Variants in AGMO observed in about 807,000 individuals in gnomAD.
AGMO encodes the protein glyceryl-ether monooxygenase.
A neutral mutation model predicts 60.2 loss-of-function variants in AGMO; 75 were observed. The ratio of observed to expected loss-of-function variants is 1.25; its 90% CI spans 1.03 to 1.51. The LOEUF (loss-of-function observed/expected upper bound fraction) is 1.51. Ranked by LOEUF, AGMO falls within the 40% of genes most tolerant of loss-of-function variation. The probability of loss-of-function intolerance (pLI) is 0.00; values close to 1 mark genes in which losing one functional copy is unlikely to be tolerated. For synonymous variants in AGMO, 261 were observed against 177.1 expected (o/e 1.47, Z -3.76); for missense variants, 763 against 525.5 (o/e 1.45, Z -4.42).
chr7:15,478,405 T>A (rs1047903111), intron 3 of AGMO, among the ~76,000 whole-genome samples: 2 of 152,146 alleles, frequency 1.3e-5, no homozygotes, highest in Admixed American at 1.3e-4. Flanking sequence ...TGAAAATACA[T>A]TGAAGTACAG....
intron 3 of AGMO, among the ~76,000 whole-genome samples, chr7:15,531,516 TATATATTCTATATATATTC>T (rs1784354417): frequency 1.5e-5 from 1 of 65,540 alleles, no homozygotes; most frequent in Non-Finnish European, 2.8e-5. Context: ...ATATTCTCTA[TATATATTCTATATATATTC>T]TCTATATATA....
chr7:15,204,865 CTTTTG>C (rs991455241), intron 12 of AGMO, among the ~76,000 whole-genome samples: 7 of 152,052 alleles, frequency 4.6e-5, no homozygotes, highest in East Asian at 1.9e-4. Flanking sequence ...GTGTTTGTTG[CTTTTG>C]TTTTAAGAGA....
At position 15,253,152 on chromosome 7, in the gene AGMO, T is replaced by G. The variant is rs375018908; in HGVS notation, c.1264-51793A>C. 2.1e-4 allele frequency among the ~76,000 whole-genome samples: 32 copies of G among 152,242 alleles called. No homozygotes were observed. In the East Asian group the frequency reaches 4.1e-3, roughly 19 times the overall value. ...GAAAGAAATAACGGCATAGAAAAAT[T>G]GACAACATGAAATAGAGACAAAATT... On this transcript the variant is annotated intron_variant, in intron 12 of 12. Coordinates refer to ENST00000342526, the MANE Select transcript of AGMO (RefSeq NM_001004320.2).
At chr7:15,473,717 T>A (rs1782515842) in intron 3 of AGMO, among the ~76,000 whole-genome samples, 1 of 152,038 alleles carries the variant, frequency 6.6e-6, no homozygotes, top group Non-Finnish European at 1.5e-5. Flanking sequence ...GCTAGGGAAA[T>A]CAGGCAAGAG....
the AGMO span, among the ~76,000 whole-genome samples, chr7:15,118,173 AACAC>A: frequency 0.01 from 1,496 of 144,664 alleles, 28 homozygotes; most frequent in African/African-American, 0.036. Context: ...ACTAAAGAGA[AACAC>A]ACACACACAC....
chr7:15,281,797 T>C (rs1783973784), intron 12 of AGMO, among the ~76,000 whole-genome samples: 2 of 152,052 alleles, frequency 1.3e-5, no homozygotes, highest in South Asian at 2.1e-4. Flanking sequence ...GAGGGGAAAA[T>C]AGATTTTTAA....
chr7:15,210,634 A>G (rs75761520), intron 12 of AGMO, among the ~76,000 whole-genome samples: 108 of 152,260 alleles, frequency 7.1e-4, no homozygotes, highest in African/African-American at 2.5e-3. Flanking sequence ...AATTTCCTGT[A>G]TAACGGAGTG....
At chr7:15,353,067 G>C (rs1563103938) in intron 12 of AGMO, among the ~76,000 whole-genome samples, 1 of 152,090 alleles carries the variant, frequency 6.6e-6, no homozygotes, top group Non-Finnish European at 1.5e-5. Flanking sequence ...TATTTCAAAT[G>C]TAGGACAGGT....
the AGMO span, among the ~76,000 whole-genome samples, chr7:15,147,791 G>A: frequency 6.6e-6 from 1 of 152,098 alleles, no homozygotes; most frequent in East Asian, 1.9e-4. Flanking sequence ...GCCATAGTCA[G>A]ACGTACACAG....
rs1348018341 is a variant in AGMO, at chr7:15,322,513, TATAA to T, written c.1263+42997_1263+43000del. 2.2e-3 allele frequency among the ~76,000 whole-genome samples: 192 copies of T among 88,738 alleles called. 1 individual carries two copies. Among genetic ancestry groups the T allele is most frequent in the South Asian group, 6.3e-3 (19 of 3,004 alleles). The allele number at this position is 88,738 out of a possible 152,430, so 58.2% of individuals were successfully genotyped here. ...ATATATATAAATATATAAATATATA[TATAA>T]ATATATATAAATATATAAATATATA... On this transcript the variant is annotated intron_variant, in intron 12 of 12. Coordinates refer to ENST00000342526, the MANE Select transcript of AGMO (RefSeq NM_001004320.2).
At chr7:15,523,485 T>A (rs1190657107) in intron 3 of AGMO, among the ~76,000 whole-genome samples, 1 of 152,166 alleles carries the variant, frequency 6.6e-6, no homozygotes, top group East Asian at 1.9e-4. Flanking sequence ...ATATACACCA[T>A]GGAATACTAT....
rs377234495 is a variant in AGMO, at chr7:15,366,254, G to C, written c.1075-32C>G. 2.6e-6 allele frequency: 4 copies of C among 1,529,708 alleles called. No individual in the cohort carries two copies. In the East Asian group the frequency reaches 7.2e-5, roughly 27 times the overall value. 94.8% of individuals were successfully genotyped at this position (1,529,708 alleles called of 1,614,324 possible). ...AACAAACACGGAGATCAATGGAGCCGTTAGAAGAATTGTTAAAAGGTACAC... is the reference window on the plus strand; with the variant it reads ...AACAAACACGGAGATCAATGGAGCCCTTAGAAGAATTGTTAAAAGGTACAC... On this transcript the variant is annotated intron_variant, in intron 10 of 12. Transcript: ENST00000342526.
intron 12 of AGMO, among the ~76,000 whole-genome samples, chr7:15,343,053 G>A (rs116909465): frequency 2.0e-5 from 3 of 151,942 alleles, no homozygotes; most frequent in Non-Finnish European, 4.4e-5. Flanking sequence ...TATTATACAA[G>A]TGGAAAACCT....
chr7:15,165,082 A>G, the AGMO span, among the ~76,000 whole-genome samples: 1 of 152,168 alleles, frequency 6.6e-6, no homozygotes. Flanking sequence ...TGTCTTTCTC[A>G]GCTACATGGA....
chr7:15,488,723 C>G (rs1425442107), intron 3 of AGMO, among the ~76,000 whole-genome samples: 1 of 151,978 alleles, frequency 6.6e-6, no homozygotes, highest in African/African-American at 2.4e-5. Flanking sequence ...ACAAACTATT[C>G]CTAAGATAAC....
In AGMO at chr7:15,201,208, T is replaced by A; in HGVS notation, c.*77A>T. ...TAGTTCATATAAGCATTACATAAAATAATTACATTTTAATATGCAGTCATA... is the reference window on the plus strand; with the variant it reads ...TAGTTCATATAAGCATTACATAAAAAAATTACATTTTAATATGCAGTCATA... On this transcript the variant is annotated 3_prime_UTR_variant, in exon 13 of 13. Coordinates refer to ENST00000342526, the MANE Select transcript of AGMO (RefSeq NM_001004320.2). The A allele has an allele frequency of 1.1e-6, 1 of 911,390 alleles. No individual in the cohort carries two copies. The highest frequency in any genetic ancestry group is 1.6e-6 in the Non-Finnish European group (1 of 606,730). 56.5% of individuals were successfully genotyped at this position (911,390 alleles called of 1,614,324 possible).
the AGMO span, among the ~76,000 whole-genome samples, chr7:15,130,390 T>G: frequency 3.9e-5 from 6 of 152,112 alleles, no homozygotes; most frequent in African/African-American, 1.4e-4. Flanking sequence ...AAAAATAATT[T>G]TCCAGAACAA....
At chr7:15,266,740 C>A (rs1486008356) in intron 12 of AGMO, among the ~76,000 whole-genome samples, 1 of 151,462 alleles carries the variant, frequency 6.6e-6, no homozygotes, top group South Asian at 2.1e-4. Flanking sequence ...AAAATTATTT[C>A]TATATTCTTA....
At chr7:15,220,228 T>C (rs1781877055) in intron 12 of AGMO, among the ~76,000 whole-genome samples, 1 of 147,504 alleles carries the variant, frequency 6.8e-6, no homozygotes, top group Non-Finnish European at 1.5e-5. Context: ...TTTTTTTTTT[T>C]TTTCCTGGAG....
Sources: gnomAD v4.1 joint callset for allele counts (sites outside exome capture counted in the v4.1 genomes callset) on GRCh38, gnomAD v4.1.1 for gene constraint, MANE v1.5 for transcripts, NCBI Gene and HGNC (gene_info 2026-07-23, HGNC 2026-07-21) for gene names.